Variants in HTT observed in about 807,000 individuals in gnomAD.
HTT encodes huntington disease protein.
HTT carries 104 observed loss-of-function variants against 362.3 expected under a neutral mutation model. The ratio of observed to expected loss-of-function variants is 0.29; its 90% CI spans 0.24 to 0.34. HTT has a LOEUF of 0.34. HTT is among the 10% of genes least tolerant of loss of function. HTT has a pLI of 1.00. For synonymous variants in HTT, 1,577 were observed against 1,548.7 expected (o/e 1.02, Z -0.43); for missense variants, 3,301 against 3,928.6 (o/e 0.84, Z 4.27).
Position 3,243,325 on chromosome 4 carries a change from C to T in HTT, c.*3266C>T, listed in dbSNP as rs976969652. On this transcript the variant is annotated 3_prime_UTR_variant, in exon 67 of 67. Transcript: ENST00000355072. Reference sequence around the variant, plus strand: ...GCTTTGTCCCTCCCCCGCTTCCTCCCTCTGCGGGGAGGACCCGGGACCACA... The same window carrying T: ...GCTTTGTCCCTCCCCCGCTTCCTCCTTCTGCGGGGAGGACCCGGGACCACA... 2 of 152,632 alleles carry T rather than the reference C, an allele frequency of 1.3e-5. No homozygotes were observed. Among genetic ancestry groups the T allele is most frequent in the Non-Finnish European group, 2.9e-5 (2 of 68,094 alleles). 9.5% of individuals were successfully genotyped at this position (152,632 alleles called of 1,614,324 possible).
At chr4:3,147,012 G>T in intron 25 of HTT, 64 bp downstream of exon 25, 1 of 1,507,942 alleles carries the variant, frequency 6.6e-7, no homozygotes, top group African/African-American at 1.4e-5. Context: ...AGGGGGAATG[G>T]GGGTGGTGAG....
At chr4:3,170,354 G>T (rs1717913161) in intron 29 of HTT, among the ~76,000 whole-genome samples, 2 of 151,992 alleles carry the variant, frequency 1.3e-5, no homozygotes, top group South Asian at 4.2e-4. Flanking sequence ...TGCTTAGGAG[G>T]CAAGACCATC....
chr4:3,134,435 G>A lies in HTT; in HGVS notation c.2528G>A (p.Ser843Asn). Residue 843 changes from serine (S) to asparagine (N), a missense_variant, in exon 19 of 67, where the codon AGT becomes AAT. By Grantham distance (46) the Ser-to-Asn change is conservative. Around this residue, in one of 4 missense-constraint regions of HTT, gnomAD observed 2,316 missense variants for 2,658.5 expected, o/e 0.87. Coordinates refer to ENST00000355072, the MANE Select transcript of HTT (RefSeq NM_001388492.1). Reference protein sequence around the residue: ...CVMSLCSSSYSELGLQLIIDV... With the variant: ...CVMSLCSSSYNELGLQLIIDV... Reference sequence around the variant, plus strand: ...ATGAGTCTCTGCAGCAGCAGCTACAGTGAGTTAGGACTGCAGCTGATCATC... The same window carrying A: ...ATGAGTCTCTGCAGCAGCAGCTACAATGAGTTAGGACTGCAGCTGATCATC... 1 of 1,614,138 alleles carries A rather than the reference G, an allele frequency of 6.2e-7. No individual in the cohort carries two copies. The highest frequency in any genetic ancestry group is 8.5e-7 in the Non-Finnish European group (1 of 1,179,998).
At position 3,107,772 on chromosome 4, in the gene HTT, G is replaced by A. The variant is rs566879339; in HGVS notation, c.747+349G>A. Among the ~76,000 whole-genome samples the A allele has an allele frequency of 1.1e-4, 16 of 152,330 alleles. 1 individual carries two copies. In the South Asian group the frequency reaches 3.3e-3, roughly 32 times the overall value. On this transcript the variant is annotated intron_variant, in intron 6 of 66. Coordinates refer to ENST00000355072, the MANE Select transcript of HTT (RefSeq NM_001388492.1). ...TGCAGGTAGGAGAAAGCTCACTGAC[G>A]AGGCCTTGTGGGTCTGAACGTCCTG...
chr4:3,121,555 A>T (rs1480645574), intron 9 of HTT, 123 bp downstream of exon 9: 2 of 659,734 alleles, frequency 3.0e-6, no homozygotes, highest in African/African-American at 3.7e-5. Context: ...CAAAACTTAT[A>T]ATACAAATTT....
At chr4:3,177,429 T>A (rs1434295340) in intron 34 of HTT, 42 bp downstream of exon 34, 8 of 1,272,060 alleles carry the variant, frequency 6.3e-6, no homozygotes, top group Non-Finnish European at 8.9e-6. Context: ...CTTCTTCTTG[T>A]GTACTTACAT....
rs1715484764 is a variant in HTT, at chr4:3,125,572, G to C, written c.1345G>C (p.Glu449Gln). Residue 449 changes from glutamate (E) to glutamine (Q), a missense_variant, in exon 11 of 67, where the codon GAA becomes CAA. Coordinates refer to ENST00000355072, the MANE Select transcript of HTT (RefSeq NM_001388492.1). ...AGGCAAAGTGCTCTTAGGAGAAGAA[G>C]AAGCCTTGGAGGATGACTCTGAATC... ...QKGKVLLGEEEALEDDSESRS... is the reference protein window; with the variant it reads ...QKGKVLLGEEQALEDDSESRS... The C allele has an allele frequency of 6.2e-7, 1 of 1,613,632 alleles. No homozygotes were observed.
At chr4:3,078,424 T>C (rs1712680649) in intron 1 of HTT, among the ~76,000 whole-genome samples, 1 of 152,188 alleles carries the variant, frequency 6.6e-6, no homozygotes, top group African/African-American at 2.4e-5. Flanking sequence ...GGGAAGGGGA[T>C]AGGGAAATGT....
In HTT at chr4:3,218,314, G is replaced by A. The variant is rs1213014211; in HGVS notation, c.7242+362G>A. 6.6e-6 allele frequency among the ~76,000 whole-genome samples: 1 copy of A among 152,180 alleles called. No homozygotes were observed. Among genetic ancestry groups the A allele is most frequent in the Non-Finnish European group, 1.5e-5 (1 of 68,034 alleles). On this transcript the variant is annotated intron_variant, in intron 52 of 66. Coordinates refer to ENST00000355072, the MANE Select transcript of HTT (RefSeq NM_001388492.1). This position sits in a 1 kb window ranked among gnomAD's most constrained non-coding sequence, Gnocchi z 4.4. ...AATTCATGTTTTTCTACACAGTTTT[G>A]CAGTTGTCTTCAGAATTGGTTTAAA...
In HTT at chr4:3,133,343, A is replaced by G. The variant is rs988971324; in HGVS notation, c.2493+432A>G. Among the ~76,000 whole-genome samples, 7 of 149,856 alleles carry G rather than the reference A, an allele frequency of 4.7e-5. No individual in the cohort carries two copies. The East Asian group carries it at 1.4e-3, about 29-fold the overall frequency. ...GAAAATTAAAAAAAAAAAAAAAAAA[A>G]GTAGCTGGGTATGGTGGTGCATACC... On this transcript the variant is annotated intron_variant, in intron 18 of 66. Coordinates refer to ENST00000355072, the MANE Select transcript of HTT (RefSeq NM_001388492.1).
intron 26 of HTT, among the ~76,000 whole-genome samples, chr4:3,152,709 T>C (rs1716958054): frequency 6.6e-6 from 1 of 151,934 alleles, no homozygotes; most frequent in African/African-American, 2.4e-5. Context: ...TTTTCTTTTT[T>C]TTTTAAATTG....
In HTT at chr4:3,115,327, G is replaced by A. The variant is rs779877604; in HGVS notation, c.771G>A (p.Ala257=). 4.3e-6 allele frequency: 7 copies of A among 1,613,900 alleles called. No homozygotes were observed. The highest frequency in any genetic ancestry group is 2.7e-5 in the African/African-American group (2 of 74,898). Residue 257 remains alanine (A), a synonymous_variant, in exon 7 of 67, where the codon GCG becomes GCA. Coordinates refer to ENST00000355072, the MANE Select transcript of HTT (RefSeq NM_001388492.1). The part of the protein sequence containing the change: ...EIKVLLKAFI[A]NLKSSSPTIR... ...AGGTTTTGTTAAAGGCCTTCATAGCGAACCTGAAGTCAAGCTCCCCCACCA... is the reference window on the plus strand; with the variant it reads ...AGGTTTTGTTAAAGGCCTTCATAGCAAACCTGAAGTCAAGCTCCCCCACCA...
Position 3,243,214 on chromosome 4 carries a change from G to A in HTT, c.*3155G>A, listed in dbSNP as rs993208653. On this transcript the variant is annotated 3_prime_UTR_variant, in exon 67 of 67. Coordinates refer to ENST00000355072, the MANE Select transcript of HTT (RefSeq NM_001388492.1). The stretch of plus-strand genomic sequence containing the variant: ...GAACTTCCTCCCGTTGCGGGGTGGA[G>A]TGAGGTTAGTTCTGTGTGTCTGGTG... 4.6e-5 allele frequency: 7 copies of A among 152,724 alleles called. No individual in the cohort carries two copies. The highest frequency in any genetic ancestry group is 4.6e-4 in the Admixed American group (7 of 15,290). The allele number at this position is 152,724 out of a possible 1,614,324, so 9.5% of individuals were successfully genotyped here.
Position 3,236,136 on chromosome 4 carries a change from A to G in HTT, c.8786-13A>G, listed in dbSNP as rs375313655. 5.1e-4 allele frequency: 809 copies of G among 1,601,228 alleles called. 1 individual carries two copies. Among genetic ancestry groups the G allele is most frequent in the Non-Finnish European group, 6.4e-4 (744 of 1,168,232 alleles). Reference sequence around the variant, plus strand: ...TATAGAGGTAACCTTCGTACTGAACACTTTTGTTACAGGAAAGGAGAAAGT... The same window carrying G: ...TATAGAGGTAACCTTCGTACTGAACGCTTTTGTTACAGGAAAGGAGAAAGT... On this transcript the variant is annotated splice_polypyrimidine_tract_variant and intron_variant, in intron 63 of 66. Transcript: ENST00000355072.
intron 34 of HTT, among the ~76,000 whole-genome samples, chr4:3,177,912 T>G (rs991357505): frequency 6.6e-6 from 1 of 152,222 alleles, no homozygotes; most frequent in Admixed American, 6.5e-5. Context: ...TGTTCCCAGA[T>G]TCCCTGGGGT....
At chr4:3,207,236 G>T (rs1252970406) in intron 44 of HTT, 45 bp from the exon 45 acceptor site, 3 of 1,522,640 alleles carry the variant, frequency 2.0e-6, no homozygotes, top group East Asian at 2.3e-5. Context: ...GGTTATTTTG[G>T]GTTGTTAGGT....
intron 29 of HTT, among the ~76,000 whole-genome samples, chr4:3,166,841 A>G (rs1717738214): frequency 6.6e-6 from 1 of 152,134 alleles, no homozygotes; most frequent in South Asian, 2.1e-4. Flanking sequence ...AGGTACAGTC[A>G]CTCATGGCTT....
In HTT at chr4:3,127,453, G is replaced by A; in HGVS notation, c.1592G>A (p.Ser531Asn). Residue 531 changes from serine (S) to asparagine (N), a missense_variant, in exon 12 of 67, where the codon AGC (serine) becomes AAC (asparagine). Ser to Asn is a conservative substitution (Grantham distance 46). This residue lies in a region of HTT where 2,316 missense variants were observed against 2,658.5 expected (regional missense o/e 0.87). Coordinates refer to ENST00000355072, the MANE Select transcript of HTT (RefSeq NM_001388492.1). ...GATGGGGATGAGGAGGATATCTTGA[G>A]CCACAGCTCCAGCCAGGTCAGCGCC... ...ATDGDEEDIL[S>N]HSSSQVSAVP... The A allele has an allele frequency of 1.2e-6, 2 of 1,614,164 alleles. No homozygotes were observed. Among genetic ancestry groups the A allele is most frequent in the South Asian group, 1.1e-5 (1 of 91,088 alleles).
chr4:3,136,435 C>T (rs1716068143), intron 21 of HTT, 109 bp downstream of exon 21: 1 of 495,414 alleles, frequency 2.0e-6, no homozygotes, highest in African/African-American at 2.0e-5. Flanking sequence ...ATTCCTGAAT[C>T]TGAGCTCATT....
Sources: gnomAD v4.1 joint callset for allele counts (sites outside exome capture counted in the v4.1 genomes callset) on GRCh38, gnomAD v4.1.1 for gene constraint, gnomAD v4.1.1 regional missense constraint, Gnocchi (gnomAD v3.1) non-coding constraint, MANE v1.5 for transcripts, NCBI Gene and HGNC (gene_info 2026-07-23, HGNC 2026-07-21) for gene names.